The following FREM1 variants were observed in gnomAD, a reference collection of about 807,000 sequenced individuals.
The protein encoded by FREM1 is FRAS1 related extracellular matrix 1.
Under a neutral mutation model 210.1 loss-of-function variants are expected in FREM1, and 220 were observed. The ratio of observed to expected loss-of-function variants is 1.05; its 90% CI spans 0.94 to 1.17. The LOEUF is 1.17. FREM1 is among the 50% of genes most tolerant of loss of function. FREM1 has a pLI of 0.00. For missense variants in FREM1, 3,454 were observed against 2,675.5 expected (o/e 1.29, Z -6.42); for synonymous variants, 1,189 against 980.2 (o/e 1.21, Z -3.98).
At chr9:14,838,694 T>C (rs1200116874) in intron 10 of FREM1, among the ~76,000 whole-genome samples, 1 of 152,214 alleles carries the variant, frequency 6.6e-6, no homozygotes, top group Admixed American at 6.5e-5. Flanking sequence ...CAATAAGCAG[T>C]TTGTAAGGGT....
chr9:14,873,213 T>C (rs1244192087), intron 1 of FREM1, among the ~76,000 whole-genome samples: 5 of 152,244 alleles, frequency 3.3e-5, no homozygotes, highest in African/African-American at 9.6e-5. Flanking sequence ...TCCCTCTTTT[T>C]CTATTGATTG....
At chr9:14,821,582 C>A (rs1033204928) in intron 13 of FREM1, among the ~76,000 whole-genome samples, 1 of 152,198 alleles carries the variant, frequency 6.6e-6, no homozygotes, top group Non-Finnish European at 1.5e-5. Context: ...TATTTCACCA[C>A]CGGGAATATG....
chr9:14,888,144 G>T (rs1463096065), intron 1 of FREM1, among the ~76,000 whole-genome samples: 2 of 152,124 alleles, frequency 1.3e-5, no homozygotes, highest in Non-Finnish European at 2.9e-5. Flanking sequence ...TTTTCTTCAA[G>T]ATACTTTACA....
chr9:14,750,171 C>A lies in FREM1; in HGVS notation c.5513G>T (p.Gly1838Val). The change falls in exon 30 of 37, where the codon GGC becomes GTC. Residue 1838 changes from glycine (G) to valine (V), a missense_variant. Physicochemically the swap from Gly to Val is moderately radical, Grantham distance 109 (BLOSUM62 -3). Transcript: ENST00000380880. ...TTTCACTGCAGCTTTTGTCTTTGTG[C>A]CAAGAACTGCATTCACAGGGGAGTT... The part of the protein sequence containing the change: ...ILNSPVNAVL[G>V]TKTKAAVKIL... The A allele has an allele frequency of 1.2e-6, 2 of 1,613,694 alleles. No homozygotes were observed. Among genetic ancestry groups the A allele is most frequent in the Non-Finnish European group, 1.7e-6 (2 of 1,179,762 alleles).
intron 1 of FREM1, among the ~76,000 whole-genome samples, chr9:14,886,984 T>A (rs1378398325): frequency 2.0e-5 from 3 of 151,862 alleles, no homozygotes; most frequent in African/African-American, 4.8e-5. Flanking sequence ...TACAAATGAA[T>A]TTCCAAAGTT....
intron 24 of FREM1, 98 bp from the exon 25 acceptor site, chr9:14,776,301 G>T: frequency 1.5e-6 from 2 of 1,328,382 alleles, no homozygotes; most frequent in South Asian, 2.1e-5. Context: ...AAAGGGTATT[G>T]TCGTGTTGTG....
chr9:14,870,153 C>G (rs1251034562), intron 1 of FREM1, among the ~76,000 whole-genome samples: 1 of 152,170 alleles, frequency 6.6e-6, no homozygotes, highest in Non-Finnish European at 1.5e-5. Flanking sequence ...TTAATAATTT[C>G]AATAAATTTC....
intron 1 of FREM1, among the ~76,000 whole-genome samples, chr9:14,875,594 T>G (rs1469589135): frequency 6.6e-6 from 1 of 152,216 alleles, no homozygotes; most frequent in Non-Finnish European, 1.5e-5. Flanking sequence ...TTTTTAAAGT[T>G]TTTAACTTCT....
intron 20 of FREM1, among the ~76,000 whole-genome samples, chr9:14,798,118 G>C (rs966883673): frequency 2.0e-5 from 3 of 151,808 alleles, no homozygotes; most frequent in African/African-American, 7.3e-5. Flanking sequence ...CCTAGAAAAA[G>C]AACAAAATTG....
rs58425457 is a variant in FREM1, at chr9:14,739,463, T to TATATATATATATATATATAATTC, written c.6340+685_6340+686insGAATTATATATATATATATATAT. 4.8e-3 allele frequency among the ~76,000 whole-genome samples: 659 copies of TATATATATATATATATATAATTC among 138,200 alleles called. 4 individuals carry two copies. The highest frequency in any genetic ancestry group is 0.017 in the South Asian group (78 of 4,544). 90.7% of individuals were successfully genotyped at this position (138,200 alleles called of 152,430 possible). A position where few individuals can be genotyped will look rare whatever the true frequency, so the allele number is the denominator to read the frequency against. On this transcript the variant is annotated intron_variant, in intron 36 of 36. Transcript: ENST00000380880. Reference sequence around the variant, plus strand: ...TAATTATTTGGAATATATATATATATATATATATATATAATTCATATATAT... The same window carrying TATATATATATATATATATAATTC: ...TAATTATTTGGAATATATATATATATATATATATATATATATATAATTCATATATATATATAATTCATATATAT...
chr9:14,899,245 C>T (rs1416067164), intron 1 of FREM1, among the ~76,000 whole-genome samples: 2 of 152,224 alleles, frequency 1.3e-5, no homozygotes, highest in Non-Finnish European at 2.9e-5. Context: ...CAGTGAGACA[C>T]CACATGTGGC....
chr9:14,900,155 A>T (rs1250506587), intron 1 of FREM1, among the ~76,000 whole-genome samples: 1 of 152,122 alleles, frequency 6.6e-6, no homozygotes, highest in African/African-American at 2.4e-5. Context: ...AACGGGAAAC[A>T]CACCAAGATG....
rs1226929550 is a variant in FREM1, at chr9:14,863,921, T to C, written c.235-18A>G. On this transcript the variant is annotated intron_variant, in intron 2 of 36. Transcript: ENST00000380880. ...TCAAAGACCTAGTTCACATGAAGAA[T>C]TGGATAAATATCTATGAGAAAATTG... 2.7e-6 allele frequency: 4 copies of C among 1,480,836 alleles called. No homozygotes were observed. The highest frequency in any genetic ancestry group is 3.8e-6 in the Non-Finnish European group (4 of 1,059,988). 91.7% of individuals were successfully genotyped at this position (1,480,836 alleles called of 1,614,324 possible).
chr9:14,737,729 G>T, intron 36 of FREM1, 134 bp from the exon 37 acceptor site: 1 of 647,262 alleles, frequency 1.5e-6, no homozygotes, highest in Non-Finnish European at 2.4e-6. Context: ...ATAGGAACTT[G>T]GAATACTCTA....
At chr9:14,802,005 C>A in intron 19 of FREM1, 131 bp from the exon 20 acceptor site, 1 of 600,766 alleles carries the variant, frequency 1.7e-6, no homozygotes. Context: ...TAGGATGAGT[C>A]CTAAAAAGAA....
chr9:14,792,095 G>A (rs896480507), intron 22 of FREM1, among the ~76,000 whole-genome samples: 4 of 152,094 alleles, frequency 2.6e-5, no homozygotes, highest in African/African-American at 9.7e-5. Flanking sequence ...CGCCCACCTT[G>A]GCCTCCCAAA....
chr9:14,816,987 GCAACAA>G (rs1049192411), intron 14 of FREM1, 116 bp from the exon 15 acceptor site: 1 of 403,224 alleles, frequency 2.5e-6, no homozygotes, highest in East Asian at 3.6e-5. Context: ...TAAATAAATA[GCAACAA>G]CAACAACAAC....
chr9:14,847,577 G>C (rs1384701943), intron 7 of FREM1, among the ~76,000 whole-genome samples: 1 of 152,076 alleles, frequency 6.6e-6, no homozygotes. Context: ...AGGAACAATC[G>C]AGAAGCCTAG....
chr9:14,820,343 C>A (rs1042337173), intron 13 of FREM1, among the ~76,000 whole-genome samples: 1 of 152,172 alleles, frequency 6.6e-6, no homozygotes, highest in African/African-American at 2.4e-5. Context: ...GGTACCAAAT[C>A]ACGGGCTCTG....
Sources: allele counts gnomAD v4.1 joint callset (sites outside exome capture counted in the v4.1 genomes callset), GRCh38; gene constraint gnomAD v4.1.1; transcripts MANE v1.5; gene names NCBI Gene and HGNC (gene_info 2026-07-23, HGNC 2026-07-21).